The following RNF121 variants were observed in gnomAD, a reference collection of about 807,000 sequenced individuals.
The protein encoded by RNF121 is E3 ubiquitin ligase RNF121.
In RNF121, 21 loss-of-function variants were observed where a neutral mutation model predicts 46.5. The ratio of observed to expected loss-of-function variants is 0.45; its 90% CI spans 0.32 to 0.65. The LOEUF is 0.65. RNF121 is among the 30% of genes least tolerant of loss of function. The pLI is 0.04. For missense variants in RNF121, 346 were observed against 416.0 expected (o/e 0.83, Z 1.46); for synonymous variants, 139 against 144.7 (o/e 0.96, Z 0.28).
At chr11:71,971,831 G>A (rs1354509586) in intron 3 of RNF121, among the ~76,000 whole-genome samples, 4 of 152,166 alleles carry the variant, frequency 2.6e-5, no homozygotes, top group Non-Finnish European at 4.4e-5. Flanking sequence ...CTTTTTTGTG[G>A]GTATGGTACA....
intron 4 of RNF121, among the ~76,000 whole-genome samples, chr11:71,985,383 T>C (rs369035487): frequency 6.6e-6 from 1 of 152,224 alleles, no homozygotes; most frequent in Admixed American, 6.5e-5. Flanking sequence ...AAGAGGTGAT[T>C]TGACTTATCT....
In RNF121 at chr11:71,961,434, G is replaced by A. The variant is rs543369376; in HGVS notation, c.243+543G>A. On this transcript the variant is annotated intron_variant, in intron 3 of 8. Coordinates refer to ENST00000361756, the MANE Select transcript of RNF121 (RefSeq NM_018320.5). ...AAATTAGCCAGGCGTGGTGGCATGC[G>A]CCTATAGTCTCAGCTACTGGGGAGG... is the stretch of plus-strand genomic sequence containing the variant. Among the ~76,000 whole-genome samples, 121 of 152,122 alleles carry A rather than the reference G, an allele frequency of 8.0e-4. 1 individual carries two copies. Among genetic ancestry groups the A allele is most frequent in the African/African-American group, 2.7e-3 (113 of 41,510 alleles).
chr11:71,941,045 G>A (rs1408113208), intron 1 of RNF121, among the ~76,000 whole-genome samples: 4 of 152,218 alleles, frequency 2.6e-5, no homozygotes, highest in African/African-American at 9.6e-5. Flanking sequence ...AGCAGTGAGT[G>A]ACTGTGCTAA....
chr11:71,968,888 C>T (rs369751219), intron 3 of RNF121, among the ~76,000 whole-genome samples: 5 of 134,626 alleles, frequency 3.7e-5, no homozygotes, highest in Admixed American at 7.8e-5. Flanking sequence ...TTCTTTCTTT[C>T]TTTTTTTTTT....
intron 3 of RNF121, among the ~76,000 whole-genome samples, chr11:71,970,347 T>A (rs1240547261): frequency 1.3e-5 from 2 of 152,034 alleles, no homozygotes; most frequent in East Asian, 3.9e-4. Flanking sequence ...AAATGGAAAA[T>A]TTTTTGGGTT....
At chr11:71,980,536 G>A (rs1336633111) in intron 3 of RNF121, among the ~76,000 whole-genome samples, 1 of 151,938 alleles carries the variant, frequency 6.6e-6, no homozygotes, top group Non-Finnish European at 1.5e-5. Flanking sequence ...TAGTAGAGAC[G>A]GGGTTTCACC....
chr11:71,976,573 TG>T (rs1422176399), intron 3 of RNF121, among the ~76,000 whole-genome samples: 4 of 152,052 alleles, frequency 2.6e-5, no homozygotes, highest in Admixed American at 2.6e-4. Flanking sequence ...TTGGCCAGTA[TG>T]GTCTCGATCT....
chr11:71,967,160 C>T (rs951981903), intron 3 of RNF121, among the ~76,000 whole-genome samples: 6 of 150,460 alleles, frequency 4.0e-5, no homozygotes, highest in Admixed American at 2.0e-4. Context: ...CGTGAGCCAC[C>T]GCGCCCGGCC....
At position 71,980,223 on chromosome 11, in the gene RNF121, A is replaced by C. The variant is rs1018453147; in HGVS notation, c.244-2538A>C. Among the ~76,000 whole-genome samples the C allele has an allele frequency of 5.9e-5, 9 of 152,212 alleles. 1 individual carries two copies. Among genetic ancestry groups the C allele is most frequent in the Admixed American group, 5.9e-4 (9 of 15,274 alleles). On this transcript the variant is annotated intron_variant, in intron 3 of 8. Transcript: ENST00000361756. ...AATTGTTATTGAGGCTTCAAGGCTC[A>C]TGGACCAGCAGCCAGTACCCTCGGG...
At chr11:71,958,658 C>T (rs889410043) in intron 2 of RNF121, among the ~76,000 whole-genome samples, 2 of 151,906 alleles carry the variant, frequency 1.3e-5, no homozygotes, top group African/African-American at 2.4e-5. Context: ...CCCAGCAGTT[C>T]GAGGCTGCAG....
chr11:71,963,164 G>A (rs911951523), intron 3 of RNF121, among the ~76,000 whole-genome samples: 1 of 152,026 alleles, frequency 6.6e-6, no homozygotes, highest in African/African-American at 2.4e-5. Context: ...CGGTTGTCTT[G>A]ACACTTTATT....
intron 1 of RNF121, 119 bp from the exon 2 acceptor site, chr11:71,957,108 A>G (rs1565148194): frequency 5.1e-6 from 4 of 782,902 alleles, no homozygotes; most frequent in African/African-American, 1.7e-5. Flanking sequence ...CTTCATAGAG[A>G]TACTAAGACT....
chr11:71,987,556 A>G (rs967357221), intron 5 of RNF121, among the ~76,000 whole-genome samples: 1 of 152,244 alleles, frequency 6.6e-6, no homozygotes, highest in African/African-American at 2.4e-5. Context: ...ACAACCTGTT[A>G]TTATAAAATG....
intron 1 of RNF121, among the ~76,000 whole-genome samples, chr11:71,931,280 A>G (rs1210406185): frequency 6.6e-6 from 1 of 152,234 alleles, no homozygotes; most frequent in East Asian, 1.9e-4. Context: ...AACCACTAGC[A>G]TTCATTCCAG....
chr11:71,965,087 TAATC>T (rs1954243123), intron 3 of RNF121, among the ~76,000 whole-genome samples: 1 of 152,198 alleles, frequency 6.6e-6, no homozygotes, highest in East Asian at 1.9e-4. Flanking sequence ...GAACCACTGT[TAATC>T]AATTTGTTAT....
At chr11:71,969,706 G>A (rs946303051) in intron 3 of RNF121, among the ~76,000 whole-genome samples, 3 of 152,066 alleles carry the variant, frequency 2.0e-5, no homozygotes, top group African/African-American at 7.2e-5. Context: ...GGGACCACAG[G>A]TGTGCACCAC....
intron 3 of RNF121, among the ~76,000 whole-genome samples, chr11:71,977,690 A>G (rs1954556688): frequency 6.6e-6 from 1 of 152,212 alleles, no homozygotes; most frequent in African/African-American, 2.4e-5. Context: ...TACCTGGCCA[A>G]ACCCATTCCT....
In RNF121 at chr11:71,929,080, G is replaced by GTGGAGGT; in HGVS notation, c.27_33dup (p.Gly12TrpfsTer12). On this transcript the variant is annotated frameshift_variant, in exon 1 of 9. Coordinates refer to ENST00000361756, the MANE Select transcript of RNF121 (RefSeq NM_018320.5). LOFTEE classifies it high-confidence loss of function. ...CGTGAAGATGGCGGCAGTGGTGGAG[G>GTGGAGGT]TGGAGGTTGGAGGTGGTGCTGCTGG... 1.3e-6 allele frequency: 2 copies of GTGGAGGT among 1,551,652 alleles called. No individual in the cohort carries two copies. The highest frequency in any genetic ancestry group is 1.7e-6 in the Non-Finnish European group (2 of 1,147,046).
intron 1 of RNF121, among the ~76,000 whole-genome samples, chr11:71,942,480 T>C (rs1054761803): frequency 6.6e-6 from 1 of 151,994 alleles, no homozygotes; most frequent in Non-Finnish European, 1.5e-5. Flanking sequence ...AACAGAAATT[T>C]AGCCGGGCAC....
Sources: gnomAD v4.1 joint callset for allele counts (sites outside exome capture counted in the v4.1 genomes callset) on GRCh38, gnomAD v4.1.1 for gene constraint, MANE v1.5 for transcripts, NCBI Gene and HGNC (gene_info 2026-07-23, HGNC 2026-07-21) for gene names.